ANXA2: variants seen among roughly 807,000 people sequenced by gnomAD.
ANXA2 encodes annexin A2, also known as annexin II.
A neutral mutation model predicts 47.3 loss-of-function variants in ANXA2; 28 were observed. The observed-to-expected ratio is 0.59, with a 90% CI of 0.44 to 0.81. ANXA2 has a LOEUF of 0.81. Ranked by LOEUF, ANXA2 falls within the 40% of genes least tolerant of loss-of-function variation. The pLI, the probability that ANXA2 is intolerant of heterozygous loss-of-function variation, is 0.00. For missense variants in ANXA2, 384 were observed against 414.3 expected, an observed-to-expected ratio of 0.93 and a Z score of 0.64; for synonymous variants, 172 against 155.5, an observed-to-expected ratio of 1.11 and a Z score of -0.79.
At chr15:60,374,548 G>A (rs1349669477) in intron 3 of ANXA2, 1 of 455,900 alleles carries the variant, frequency 2.2e-6, no homozygotes, top group Non-Finnish European at 4.4e-6. Flanking sequence ...ATTTCCTCAG[G>A]GAAAAGAGCT....
chr15:60,395,486 C>T (rs1308522913), intron 1 of ANXA2, among the ~76,000 whole-genome samples: 1 of 152,196 alleles, frequency 6.6e-6, no homozygotes, highest in Non-Finnish European at 1.5e-5. Flanking sequence ...AGAACAAAGG[C>T]TCCAGACAAT....
At chr15:60,371,648 G>A (rs1241265375) in intron 3 of ANXA2, among the ~76,000 whole-genome samples, 1 of 152,118 alleles carries the variant, frequency 6.6e-6, no homozygotes, top group Admixed American at 6.5e-5. Context: ...GGTTGACTTG[G>A]AAAACAAAGG....
chr15:60,389,716 C>A (rs1272490750), intron 1 of ANXA2, among the ~76,000 whole-genome samples: 1 of 152,134 alleles, frequency 6.6e-6, no homozygotes, highest in Non-Finnish European at 1.5e-5. Context: ...CCAGCAGAGC[C>A]CAGCCTTCAA....
Position 60,357,201 on chromosome 15 carries a change from G to A in ANXA2, c.393C>T (p.Ile131=), listed in dbSNP as rs1370061393. Residue 131 remains isoleucine, a synonymous_variant, in exon 6 of 13, where the codon ATC becomes ATT. Transcript: ENST00000451270. ...LGTDEDSLIE[I]ICSRTNQELQ... The stretch of plus-strand genomic sequence containing the variant: ...GCTCCTGGTTGGTTCTGGAGCAGAT[G>A]ATCTCAATGAGAGAGTCCTCGTCGG... 6.2e-7 allele frequency: 1 copy of A among 1,614,190 alleles called. No homozygotes were observed. Among genetic ancestry groups the A allele is most frequent in the Middle Eastern group, 1.7e-4 (1 of 6,058 alleles).
At chr15:60,391,419 GAAT>G (rs1431045619) in intron 1 of ANXA2, 1 of 152,302 alleles carries the variant, frequency 6.6e-6, no homozygotes, top group Non-Finnish European at 1.5e-5. Flanking sequence ...AGGGGAAGAG[GAAT>G]AATGCCCCAG....
chr15:60,350,276 C>T (rs1209769853), intron 11 of ANXA2, among the ~76,000 whole-genome samples: 1 of 152,070 alleles, frequency 6.6e-6, no homozygotes, highest in Non-Finnish European at 1.5e-5. Flanking sequence ...GCACAGACTC[C>T]CACTCTATGC....
rs1349471000 is a variant in ANXA2, at chr15:60,349,675, CTT to C, written c.838-480_838-479del. Among the ~76,000 whole-genome samples, 9 of 149,130 alleles carry C rather than the reference CTT, an allele frequency of 6.0e-5. No homozygotes were observed. In the East Asian group the frequency reaches 1.8e-3, roughly 30 times the overall value. On this transcript the variant is annotated intron_variant, in intron 11 of 12. Coordinates refer to ENST00000451270, the MANE Select transcript of ANXA2 (RefSeq NM_004039.3). ...AACTTATTCATGTAACCGAACACTA[CTT>C]GTTTCCCAAAAACCTATAAGAAAGG...
rs1396337308 is a variant in ANXA2 at position 60,364,483 on chromosome 15, G to T, written c.189C>A (p.Arg63=). 2.5e-6 allele frequency: 4 copies of T among 1,613,286 alleles called. No homozygotes were observed. Among genetic ancestry groups the T allele is most frequent in the Non-Finnish European group, 1.7e-6 (2 of 1,179,818 alleles). Residue 63 remains arginine (R), a synonymous_variant, in exon 4 of 13, where the codon CGC becomes CGA. Coordinates refer to ENST00000451270, the MANE Select transcript of ANXA2 (RefSeq NM_004039.3). ...EVTIVNILTN[R]SNAQRQDIAF... ...CAATATCCTGTCTCTGTGCATTGCT[G>T]CGGTTGGTCAAAATGTTGACAATGG...
chr15:60,393,448 A>T (rs1176080408), intron 1 of ANXA2: 1 of 1,005,940 alleles, frequency 9.9e-7, no homozygotes, highest in African/African-American at 1.7e-5. Context: ...CGCCTACAGA[A>T]AAAAGTCTAA....
At chr15:60,353,244 C>A (rs1383636084) in intron 8 of ANXA2, among the ~76,000 whole-genome samples, 1 of 152,202 alleles carries the variant, frequency 6.6e-6, no homozygotes, top group Non-Finnish European at 1.5e-5. Flanking sequence ...TCATTGCAGT[C>A]TGAATAAGCT....
At chr15:60,368,756 A>G (rs1595685039) in intron 3 of ANXA2, among the ~76,000 whole-genome samples, 1 of 152,180 alleles carries the variant, frequency 6.6e-6, no homozygotes, top group South Asian at 2.1e-4. Flanking sequence ...ATGACCATAA[A>G]TGGGTTTTTT....
At chr15:60,349,503 C>G (rs1257553136) in intron 11 of ANXA2, among the ~76,000 whole-genome samples, 1 of 152,054 alleles carries the variant, frequency 6.6e-6, no homozygotes, top group African/African-American at 2.4e-5. Context: ...AATATTTCAT[C>G]ATATATATGC....
chr15:60,366,740 C>G (rs2062615147), intron 3 of ANXA2, among the ~76,000 whole-genome samples: 1 of 133,478 alleles, frequency 7.5e-6, no homozygotes, highest in East Asian at 2.5e-4. Flanking sequence ...CTCTGCCCGG[C>G]CGCCCCTACT....
chr15:60,384,852 A>G (rs1050767716), intron 2 of ANXA2: 1 of 152,234 alleles, frequency 6.6e-6, no homozygotes, highest in Non-Finnish European at 1.5e-5. Flanking sequence ...GATTCATTGC[A>G]TTTTAATTTC....
chr15:60,386,013 A>G lies in ANXA2; in HGVS notation c.48+15T>C. The G allele has an allele frequency of 6.3e-7, 1 of 1,592,744 alleles. No homozygotes were observed. The highest frequency in any genetic ancestry group is 8.6e-7 in the Non-Finnish European group (1 of 1,164,732). ...AACTTGCAAAAATTATATAAAGTGAAAGTGATATACTTACATCACCCTCCA... is the reference window on the plus strand; with the variant it reads ...AACTTGCAAAAATTATATAAAGTGAGAGTGATATACTTACATCACCCTCCA... On this transcript the variant is annotated intron_variant, in intron 2 of 12. Transcript: ENST00000451270.
At chr15:60,394,568 A>G (rs2063055919) in intron 1 of ANXA2, 1 of 152,238 alleles carries the variant, frequency 6.6e-6, no homozygotes, top group Non-Finnish European at 1.5e-5. Context: ...GCATGGTGGT[A>G]GGCACCTGTA....
At chr15:60,362,082 G>A (rs2062523075) in intron 4 of ANXA2, among the ~76,000 whole-genome samples, 1 of 152,080 alleles carries the variant, frequency 6.6e-6, no homozygotes, top group Non-Finnish European at 1.5e-5. Flanking sequence ...AACTGACATG[G>A]ATCTTAGAAG....
At chr15:60,354,362 C>T in intron 7 of ANXA2, 149 bp from the exon 8 acceptor site, 1 of 707,642 alleles carries the variant, frequency 1.4e-6, no homozygotes, top group Non-Finnish European at 2.3e-6. Context: ...ATAGATGGGG[C>T]CGGGCACGGT....
intron 1 of ANXA2, chr15:60,393,494 C>A: frequency 2.0e-6 from 2 of 990,998 alleles, no homozygotes; most frequent in Non-Finnish European, 2.4e-6. Flanking sequence ...TGTGGACTTA[C>A]CTACCTTTCC....
Sources: allele counts gnomAD v4.1 joint callset (sites outside exome capture counted in the v4.1 genomes callset), GRCh38; gene constraint gnomAD v4.1.1; transcripts MANE v1.5; gene names NCBI Gene and HGNC (gene_info 2026-07-23, HGNC 2026-07-21).